Variants in FLI1 observed in about 807,000 individuals in gnomAD.
FLI1 encodes the protein Fli-1 proto-oncogene, ETS transcription factor, also known as Friend leukemia integration 1 transcription factor.
A neutral mutation model predicts 53.1 loss-of-function variants in FLI1; 13 were observed. That is an observed-to-expected ratio of 0.24 (90% CI 0.16 to 0.39). FLI1 has a LOEUF of 0.39. Among genes scored for constraint, FLI1 ranks in the 10% least tolerant of loss-of-function variants. FLI1 has a pLI of 1.00. For synonymous variants in FLI1, 244 were observed against 236.7 expected (o/e 1.03, Z -0.28); for missense variants, 424 against 600.5 (o/e 0.71, Z 3.07).
chr11:128,708,744 C>T (rs1938662319), intron 1 of FLI1, among the ~76,000 whole-genome samples: 1 of 152,064 alleles, frequency 6.6e-6, no homozygotes. Flanking sequence ...TTTCTTGTTG[C>T]CAATGTAACA....
intron 7 of FLI1, among the ~76,000 whole-genome samples, chr11:128,808,512 C>A (rs1444059576): frequency 6.6e-6 from 1 of 152,130 alleles, no homozygotes; most frequent in Non-Finnish European, 1.5e-5. Context: ...AAAATGTACA[C>A]TCTGGTTTGT....
chr11:128,768,579 C>T (rs1941437459), intron 3 of FLI1: 1 of 318,548 alleles, frequency 3.1e-6, no homozygotes, highest in Non-Finnish European at 6.1e-6. Context: ...TTCCCAGCTA[C>T]TCAGGGGGCT....
chr11:128,775,017 T>C (rs1941689824), intron 4 of FLI1, among the ~76,000 whole-genome samples: 1 of 152,180 alleles, frequency 6.6e-6, no homozygotes, highest in Admixed American at 6.5e-5. Flanking sequence ...AGAATATTTA[T>C]AGACAGAAAG....
At chr11:128,761,135 C>A (rs549061894) in intron 2 of FLI1, among the ~76,000 whole-genome samples, 1 of 152,328 alleles carries the variant, frequency 6.6e-6, no homozygotes, top group South Asian at 2.1e-4. Context: ...CTTCCCTCCG[C>A]GCCAGCCTCA....
chr11:128,703,830 G>A (rs146026673), intron 1 of FLI1, among the ~76,000 whole-genome samples: 1,291 of 113,134 alleles, frequency 0.011, 26 homozygotes, highest in African/African-American at 0.042. Context: ...GTGACAGAGC[G>A]AGACTCCGTC....
At chr11:128,716,566 G>C (rs1279913981) in intron 1 of FLI1, among the ~76,000 whole-genome samples, 2 of 152,182 alleles carry the variant, frequency 1.3e-5, no homozygotes, top group Non-Finnish European at 2.9e-5. Flanking sequence ...TGGAGAGCTA[G>C]TTCCAAAAGT....
chr11:128,690,959 G>T (rs928216276), upstream of FLI1, among the ~76,000 whole-genome samples: 1 of 152,214 alleles, frequency 6.6e-6, no homozygotes, highest in Non-Finnish European at 1.5e-5. Flanking sequence ...AGCCAGGAAA[G>T]AGGGTGTGCA....
chr11:128,731,304 G>T (rs544616086), intron 1 of FLI1, among the ~76,000 whole-genome samples: 2 of 98,790 alleles, frequency 2.0e-5, no homozygotes, highest in South Asian at 2.4e-4. Flanking sequence ...ACCTAAATGT[G>T]GGGGGGTTGG....
chr11:128,737,867 G>C (rs1343615256), intron 1 of FLI1, among the ~76,000 whole-genome samples: 2 of 152,144 alleles, frequency 1.3e-5, no homozygotes, highest in East Asian at 3.8e-4. Context: ...GGCTTGCTTG[G>C]CTGTCAGAAG....
chr11:128,745,557 C>T (rs558560482), intron 1 of FLI1, among the ~76,000 whole-genome samples: 1 of 152,324 alleles, frequency 6.6e-6, no homozygotes, highest in South Asian at 2.1e-4. Flanking sequence ...CCTGAGGTCA[C>T]CAAGCATGGC....
At position 128,694,707 on chromosome 11, in the gene FLI1, G is replaced by A. The variant is rs145288905; in HGVS notation, c.18+431G>A. On this transcript the variant is annotated intron_variant, in intron 1 of 8. Transcript: ENST00000527786. ...TCCGCAGAGGCGGAACACGGCGGGG[G>A]CGGGGGCTGCAGTCGCCCGGGCTCG... Among the ~76,000 whole-genome samples, 1,325 of 152,328 alleles carry A rather than the reference G, an allele frequency of 8.7e-3. 17 individuals carry two copies. Among genetic ancestry groups the A allele is most frequent in the African/African-American group, 0.029 (1,211 of 41,582 alleles).
intron 1 of FLI1, among the ~76,000 whole-genome samples, chr11:128,743,989 C>T (rs992391295): frequency 1.3e-5 from 2 of 152,270 alleles, no homozygotes; most frequent in Middle Eastern, 3.4e-3. Context: ...AGGGTAGCTG[C>T]CAATGGAGGG....
At chr11:128,757,044 TTTTCTTTCTTTC>T (rs147249846) in intron 1 of FLI1, among the ~76,000 whole-genome samples, 2,786 of 107,064 alleles carry the variant, frequency 0.026, 47 homozygotes, top group South Asian at 0.049. Context: ...CTAGCTAATT[TTTTCTTTCTTTC>T]TTTCTTTCTT....
intron 1 of FLI1, among the ~76,000 whole-genome samples, chr11:128,707,808 T>G (rs1464337771): frequency 6.6e-6 from 1 of 152,204 alleles, no homozygotes; most frequent in Non-Finnish European, 1.5e-5. Flanking sequence ...TTTAAAAAAT[T>G]TAAAACCCTG....
At chr11:128,808,962 G>A (rs1186137315) in intron 7 of FLI1, among the ~76,000 whole-genome samples, 195 bp from the exon 8 acceptor site, 1 of 152,148 alleles carries the variant, frequency 6.6e-6, no homozygotes, top group East Asian at 1.9e-4. Context: ...TGTTCTTTCT[G>A]TAATTATTGA....
At chr11:128,734,360 A>G (rs968203318) in intron 1 of FLI1, among the ~76,000 whole-genome samples, 1 of 152,244 alleles carries the variant, frequency 6.6e-6, no homozygotes, top group African/African-American at 2.4e-5. Context: ...GAAGAAGGCT[A>G]TTCTCGTGCG....
At chr11:128,775,018 A>T (rs1941689889) in intron 4 of FLI1, among the ~76,000 whole-genome samples, 3 of 152,242 alleles carry the variant, frequency 2.0e-5, no homozygotes, top group Admixed American at 2.0e-4. Context: ...GAATATTTAT[A>T]GACAGAAAGT....
intron 1 of FLI1, among the ~76,000 whole-genome samples, chr11:128,722,765 G>A (rs1051031394): frequency 1.3e-5 from 2 of 152,194 alleles, no homozygotes; most frequent in Non-Finnish European, 2.9e-5. Flanking sequence ...AATGAGGGAT[G>A]GAGGCCAGTG....
At position 128,810,927 on chromosome 11, in the gene FLI1, A is replaced by C. The variant is rs1942922139; in HGVS notation, c.1298A>C (p.Asn433Thr). Residue 433 changes from asparagine to threonine, a missense_variant, in exon 9 of 9, where the codon AAC becomes ACC. This residue lies in a region of FLI1 where 87 missense variants were observed against 100.0 expected (regional missense o/e 0.87). Coordinates refer to ENST00000527786, the MANE Select transcript of FLI1 (RefSeq NM_002017.5). This position sits in a 1 kb window ranked among gnomAD's most constrained non-coding sequence, Gnocchi z 6.6. ...TCCCCCACGGGGGGAATCTACCCCA[A>C]CCCCAACGTCCCCCGCCATCCTAAC... ...WTSPTGGIYP[N>T]PNVPRHPNTH... The C allele has an allele frequency of 6.2e-7, 1 of 1,613,696 alleles. No homozygotes were observed. The highest frequency in any genetic ancestry group is 1.1e-5 in the South Asian group (1 of 91,080).
Sources: gnomAD v4.1 joint callset for allele counts (sites outside exome capture counted in the v4.1 genomes callset) on GRCh38, gnomAD v4.1.1 for gene constraint, gnomAD v4.1.1 regional missense constraint, Gnocchi (gnomAD v3.1) non-coding constraint, MANE v1.5 for transcripts, NCBI Gene and HGNC (gene_info 2026-07-23, HGNC 2026-07-21) for gene names.